The following FSTL5 variants were observed in gnomAD, a reference collection of about 807,000 sequenced individuals.
FSTL5 encodes follistatin-related protein 5.
A neutral mutation model predicts 89.1 loss-of-function variants in FSTL5; 62 were observed. The ratio of observed to expected loss-of-function variants is 0.70; its 90% confidence interval spans 0.57 to 0.86. The LOEUF is 0.86. FSTL5 is among the 40% of genes least tolerant of loss of function. The pLI, the probability that FSTL5 is intolerant of heterozygous loss-of-function variation, is 0.00. For synonymous variants in FSTL5, 383 were observed against 346.2 expected (o/e 1.11, Z -1.18); for missense variants, 1,057 against 1,001.6 (o/e 1.06, Z -0.75).
chr4:161,866,724 ATATATG>A (rs1434257662), intron 4 of FSTL5, among the ~76,000 whole-genome samples: 3 of 152,000 alleles, frequency 2.0e-5, no homozygotes, highest in Non-Finnish European at 4.4e-5. Context: ...AAAATATAAA[ATATATG>A]TATTACATAC....
intron 1 of FSTL5, among the ~76,000 whole-genome samples, chr4:162,134,400 G>T (rs559018028): frequency 2.6e-5 from 4 of 152,198 alleles, no homozygotes; most frequent in Admixed American, 2.6e-4. Flanking sequence ...ATATTAATGT[G>T]TAATTGGTTG....
chr4:161,998,767 T>C (rs1736375441), intron 3 of FSTL5, among the ~76,000 whole-genome samples: 1 of 152,110 alleles, frequency 6.6e-6, no homozygotes, highest in African/African-American at 2.4e-5. Context: ...AGGTCATTGA[T>C]GTCTCCTGCT....
chr4:162,049,060 A>AAT (rs143345919), intron 2 of FSTL5, among the ~76,000 whole-genome samples: 17 of 152,054 alleles, frequency 1.1e-4, no homozygotes, highest in East Asian at 5.8e-4. Flanking sequence ...ATCTCTGGGG[A>AAT]ATATATATAT....
chr4:161,816,523 A>G (rs1156507226), intron 4 of FSTL5, among the ~76,000 whole-genome samples: 1 of 152,180 alleles, frequency 6.6e-6, no homozygotes, highest in Non-Finnish European at 1.5e-5. Flanking sequence ...TGTGACTTAT[A>G]AATTTGCTAG....
chr4:161,928,242 A>G (rs1734184307), intron 3 of FSTL5, among the ~76,000 whole-genome samples: 1 of 151,756 alleles, frequency 6.6e-6, no homozygotes. Flanking sequence ...TTCCTAGCTC[A>G]TTTCTCTTAA....
chr4:161,944,685 C>CA (rs1247679494), intron 3 of FSTL5, among the ~76,000 whole-genome samples: 1 of 151,590 alleles, frequency 6.6e-6, no homozygotes, highest in Non-Finnish European at 1.5e-5. Context: ...TAACATGTAT[C>CA]ATACATACAT....
At chr4:162,124,994 C>T (rs931866553) in intron 1 of FSTL5, among the ~76,000 whole-genome samples, 29 of 152,174 alleles carry the variant, frequency 1.9e-4, no homozygotes, top group African/African-American at 6.5e-4. Context: ...TGAGCTACCT[C>T]GCCTGGCCTT....
At chr4:161,626,867 G>A (rs888094437) in intron 7 of FSTL5, among the ~76,000 whole-genome samples, 2 of 152,148 alleles carry the variant, frequency 1.3e-5, no homozygotes, top group Non-Finnish European at 2.9e-5. Flanking sequence ...TTACAGATGT[G>A]ATGCAAATAG....
At chr4:162,012,520 C>T (rs913747008) in intron 3 of FSTL5, among the ~76,000 whole-genome samples, 1 of 152,024 alleles carries the variant, frequency 6.6e-6, no homozygotes, top group African/African-American at 2.4e-5. Context: ...TCAAAACATT[C>T]CTAGTATTTC....
At chr4:161,767,646 G>A (rs1465070338) in intron 5 of FSTL5, among the ~76,000 whole-genome samples, 1 of 152,088 alleles carries the variant, frequency 6.6e-6, no homozygotes, top group East Asian at 1.9e-4. Flanking sequence ...AAAGGGAAAA[G>A]CTAAGGTAGA....
chr4:162,142,476 A>G (rs1023939167), intron 1 of FSTL5, among the ~76,000 whole-genome samples: 1 of 152,188 alleles, frequency 6.6e-6, no homozygotes, highest in African/African-American at 2.4e-5. Flanking sequence ...ACAGCTCATC[A>G]ATGAATTTTG....
intron 3 of FSTL5, among the ~76,000 whole-genome samples, chr4:162,000,444 C>T (rs1736427675): frequency 2.6e-5 from 4 of 150,978 alleles, no homozygotes; most frequent in Admixed American, 2.6e-4. Flanking sequence ...TACAAAAAAA[C>T]AAAATTAGCC....
chr4:161,878,475 T>A (rs1199212662), intron 4 of FSTL5, among the ~76,000 whole-genome samples: 1 of 152,136 alleles, frequency 6.6e-6, no homozygotes, highest in African/African-American at 2.4e-5. Flanking sequence ...GCAGATCAGA[T>A]GATTATAGGA....
At chr4:161,992,265 C>G (rs893780520) in intron 3 of FSTL5, among the ~76,000 whole-genome samples, 3 of 152,000 alleles carry the variant, frequency 2.0e-5, no homozygotes, top group African/African-American at 4.8e-5. Context: ...GAGAAAAGTG[C>G]AGGAAAAAGG....
At position 162,031,690 on chromosome 4, in the gene FSTL5, C is replaced by A. The variant is rs181329862; in HGVS notation, c.160+1935G>T. Among the ~76,000 whole-genome samples, 953 of 152,242 alleles carry A rather than the reference C, an allele frequency of 6.3e-3. 7 individuals are homozygous for A. The highest frequency in any genetic ancestry group is 0.01 in the Non-Finnish European group (710 of 68,010). ...CGGTGGCTCAAGCCTGTAATCCCAG[C>A]ACTTTAGGAGGCCGAGGAGGGAGGA... On this transcript the variant is annotated intron_variant, in intron 3 of 15. Transcript: ENST00000306100.
At chr4:162,120,670 A>C (rs1485285241) in intron 1 of FSTL5, among the ~76,000 whole-genome samples, 1 of 152,066 alleles carries the variant, frequency 6.6e-6, no homozygotes, top group Non-Finnish European at 1.5e-5. Flanking sequence ...GTTATCACAA[A>C]AAGTGAAGTT....
chr4:162,155,347 G>A (rs1733426267), intron 1 of FSTL5, among the ~76,000 whole-genome samples: 1 of 152,100 alleles, frequency 6.6e-6, no homozygotes, highest in Non-Finnish European at 1.5e-5. Context: ...GAGCCGCAAA[G>A]AAACAAATCC....
chr4:161,429,213 A>G (rs2126335058), intron 15 of FSTL5, among the ~76,000 whole-genome samples: 1 of 152,244 alleles, frequency 6.6e-6, no homozygotes, highest in South Asian at 2.1e-4. Flanking sequence ...GGCACCAAGC[A>G]GATTCCTAAA....
chr4:161,652,199 G>A (rs529751509), intron 7 of FSTL5, among the ~76,000 whole-genome samples: 4 of 152,216 alleles, frequency 2.6e-5, no homozygotes, highest in East Asian at 1.9e-4. Flanking sequence ...AGCTTTGAGA[G>A]GCCAAAGCAG....
Sources: gnomAD v4.1 joint callset for allele counts (sites outside exome capture counted in the v4.1 genomes callset) on GRCh38, gnomAD v4.1.1 for gene constraint, MANE v1.5 for transcripts, NCBI Gene and HGNC (gene_info 2026-07-23, HGNC 2026-07-21) for gene names.